Variants in MOCS1 observed in about 807,000 individuals in gnomAD.
The protein encoded by MOCS1 is molybdenum cofactor synthesis 1, also known as molybdenum cofactor biosynthesis protein 1.
A neutral mutation model predicts 57.6 loss-of-function variants in MOCS1; 39 were observed. The ratio of observed to expected loss-of-function variants is 0.68; its 90% CI spans 0.52 to 0.88. MOCS1 has a LOEUF of 0.88. Ranked by LOEUF, MOCS1 falls within the 40% of genes least tolerant of loss-of-function variation. MOCS1 has a pLI of 0.00. For synonymous variants in MOCS1, 334 were observed against 335.7 expected, an observed-to-expected ratio of 1.00 and a Z score of 0.05; for missense variants, 795 against 831.1, an observed-to-expected ratio of 0.96 and a Z score of 0.53.
At position 39,916,252 on chromosome 6, in the gene MOCS1, G is replaced by T; in HGVS notation, c.419-20C>A. On this transcript the variant is annotated intron_variant, in intron 3 of 10. Transcript: ENST00000340692. ...GCTGGGCTGTAAGGACAACAGAAAG[G>T]GGGTCAGACTGCTTGCTTGTTCTTG... 1 of 1,612,816 alleles carries T rather than the reference G, an allele frequency of 6.2e-7. No homozygotes were observed. Among genetic ancestry groups the T allele is most frequent in the Non-Finnish European group, 8.5e-7 (1 of 1,180,006 alleles).
intron 1 of MOCS1, among the ~76,000 whole-genome samples, chr6:39,928,170 T>A (rs1386224403): frequency 6.6e-6 from 1 of 150,690 alleles, no homozygotes; most frequent in Non-Finnish European, 1.5e-5. Context: ...CCAGGTTCTT[T>A]TTTTTTTTTT....
intron 2 of MOCS1, among the ~76,000 whole-genome samples, chr6:39,926,871 C>T (rs1168354332): frequency 6.7e-6 from 1 of 149,610 alleles, no homozygotes; most frequent in Non-Finnish European, 1.5e-5. Context: ...TGAAATGAGG[C>T]CTCTTTGTTA....
intron 8 of MOCS1, among the ~76,000 whole-genome samples, chr6:39,910,868 A>G (rs1767284897): frequency 6.6e-6 from 1 of 150,568 alleles, no homozygotes; most frequent in Non-Finnish European, 1.5e-5. Context: ...ATCAATGGGT[A>G]AAGGGAAAGA....
intron 9 of MOCS1, 67 bp downstream of exon 9, chr6:39,909,768 C>A: frequency 6.2e-7 from 1 of 1,602,210 alleles, no homozygotes; most frequent in Non-Finnish European, 8.5e-7. Flanking sequence ...CCCCACAACT[C>A]CACACCTCCC....
At chr6:39,922,338 G>A (rs1391219899) in intron 3 of MOCS1, among the ~76,000 whole-genome samples, 1 of 152,196 alleles carries the variant, frequency 6.6e-6, no homozygotes, top group African/African-American at 2.4e-5. Context: ...CCTAGGGGCT[G>A]CACATGGCCT....
chr6:39,927,621 C>A (rs779962248), intron 1 of MOCS1, 166 bp from the exon 2 acceptor site: 10 of 1,598,396 alleles, frequency 6.3e-6, no homozygotes, highest in South Asian at 2.2e-5. Flanking sequence ...TTGTCCCTCT[C>A]GTTGAGAAAT....
rs1582817556 is a variant in MOCS1 at position 39,916,212 on chromosome 6, C to T, written c.439G>A (p.Gly147Arg). Residue 147 changes from glycine (G) to arginine (R), a missense_variant, in exon 4 of 11, where the codon GGG (glycine) becomes AGG (arginine). By Grantham distance (125) the Gly-to-Arg change is moderately radical. Around this residue, in one of 3 missense-constraint regions of MOCS1, gnomAD observed 416 missense variants for 392.4 expected, o/e 1.06. Coordinates refer to ENST00000340692, the MANE Select transcript of MOCS1 (RefSeq NM_001358530.2). Reference protein sequence around the residue: ...DIVAQLQRLEGLRTIGVTTNG... With the variant: ...DIVAQLQRLERLRTIGVTTNG... The stretch of plus-strand genomic sequence containing the variant: ...GTGGTAACACCTATGGTTCTCAGCC[C>T]TTCCAGCCGCTGGAGCTGGGCTGTA... 2.5e-6 allele frequency: 4 copies of T among 1,613,778 alleles called. No individual in the cohort carries two copies. Among genetic ancestry groups the T allele is most frequent in the South Asian group, 1.1e-5 (1 of 91,048 alleles).
chr6:39,927,090 C>G, intron 2 of MOCS1: 2 of 520,248 alleles, frequency 3.8e-6, no homozygotes, highest in Non-Finnish European at 6.9e-6. Context: ...CTAAATCCAA[C>G]TGCATTTATG....
In MOCS1 at chr6:39,909,914, G is replaced by A. The variant is rs372034477; in HGVS notation, c.1023C>T (p.His341=). ...FGNSEVSLRD[H]LRAGASEQEL... is the part of the protein sequence containing the mutation. ...CCTGCTCAGAGGCCCCAGCTCGCAG[G>A]TGATCCCGCAGGGATACCTCAGAGT... The change falls in exon 9 of 11, where the codon CAC becomes CAT. Residue 341 remains histidine, a synonymous_variant. Transcript: ENST00000340692. The A allele has an allele frequency of 6.3e-5, 101 of 1,613,728 alleles. No homozygotes were observed. Among genetic ancestry groups the A allele is most frequent in the Non-Finnish European group, 7.7e-5 (91 of 1,180,026 alleles).
Position 39,923,011 on chromosome 6 carries a change from T to C in MOCS1, c.418+2667A>G, listed in dbSNP as rs117617016. ...CTGGGGAAGATCAGAGGCTAGCCCC[T>C]GAGGGATGTCAGAGTGCTCACAGGC... On this transcript the variant is annotated intron_variant, in intron 3 of 10. Transcript: ENST00000340692. 0.012 allele frequency among the ~76,000 whole-genome samples: 1,767 copies of C among 152,270 alleles called. 212 individuals are homozygous for C. The East Asian group carries it at 0.27, about 23-fold the overall frequency.
chr6:39,925,738 C>G lies in MOCS1; in HGVS notation c.358G>C (p.Asp120His), dbSNP rs368420298. The G allele has an allele frequency of 4.3e-5, 69 of 1,612,706 alleles. No homozygotes were observed. Among genetic ancestry groups the G allele is most frequent in the Non-Finnish European group, 5.8e-5 (69 of 1,180,008 alleles). Reference protein sequence around the residue: ...LARLFVKEGIDKIRLTGGEPL... With the variant: ...LARLFVKEGIHKIRLTGGEPL... The stretch of plus-strand genomic sequence containing the variant: ...TCTCCACCTGTGAGCCGGATCTTGT[C>G]GATGCCTTCCTTCACAAAGAGCCGG... Residue 120 changes from aspartate to histidine, a missense_variant, in exon 3 of 11, where the codon GAC becomes CAC. Physicochemically the swap from Asp to His is moderately conservative, Grantham distance 81. Transcript: ENST00000340692.
At chr6:39,919,603 A>T (rs1455921515) in intron 3 of MOCS1, among the ~76,000 whole-genome samples, 1 of 152,214 alleles carries the variant, frequency 6.6e-6, no homozygotes, top group African/African-American at 2.4e-5. Context: ...AAAAGAATAA[A>T]AAGAACTTGC....
At chr6:39,926,671 C>A (rs1267181795) in intron 2 of MOCS1, among the ~76,000 whole-genome samples, 1 of 47,372 alleles carries the variant, frequency 2.1e-5, no homozygotes, top group Non-Finnish European at 4.3e-5. Flanking sequence ...ATTTATTGGG[C>A]CATGAAGTAA....
chr6:39,934,377 A>G lies in MOCS1; in HGVS notation c.41T>C (p.Leu14Pro). The G allele has an allele frequency of 6.4e-7, 1 of 1,560,136 alleles. No homozygotes were observed. Among genetic ancestry groups the G allele is most frequent in the Non-Finnish European group, 8.6e-7 (1 of 1,157,582 alleles). ...GCTGCAGCTCCGGGCGCTGGACCTC[A>G]GAAGCCGCCGCAGCATCCGGGACAG... ...RPLSRMLRRL[L>P]RSSARSCSSG... Residue 14 changes from leucine to proline, a missense_variant, in exon 1 of 11, where the codon CTG becomes CCG. This residue lies in a region of MOCS1 where 416 missense variants were observed against 392.4 expected (regional missense o/e 1.06). Transcript: ENST00000340692.
chr6:39,914,059 T>C (rs186522991), intron 4 of MOCS1, among the ~76,000 whole-genome samples: 2 of 152,386 alleles, frequency 1.3e-5, no homozygotes, highest in East Asian at 3.9e-4. Context: ...TAGTAATAAC[T>C]GACTACAGTG....
rs752653792 is a variant in MOCS1 at position 39,909,035 on chromosome 6, C to T, written c.1150+20G>A. The T allele has an allele frequency of 9.3e-6, 15 of 1,609,450 alleles. No individual in the cohort carries two copies. The Admixed American group carries it at 1.3e-4, about 14-fold the overall frequency. ...CCCAAATGACAAGGGTGAGTGGTTA[C>T]GTACTGATGGGTCACCCACCGATGA... On this transcript the variant is annotated intron_variant, in intron 10 of 10. Coordinates refer to ENST00000340692, the MANE Select transcript of MOCS1 (RefSeq NM_001358530.2).
rs776585155 is a variant in MOCS1 at position 39,927,335 on chromosome 6, G to A, written c.244C>T (p.Leu82Phe). 1 of 1,611,136 alleles carries A rather than the reference G, an allele frequency of 6.2e-7. No individual in the cohort carries two copies. Among genetic ancestry groups the A allele is most frequent in the Non-Finnish European group, 8.5e-7 (1 of 1,178,898 alleles). ...LRISLTEKCN[L>F]RCQYCMPEEG... The stretch of plus-strand genomic sequence containing the variant: ...GCCCAGGAAGGTGACTCACATCTGA[G>A]GTTGCACTTCTCTGTGAGGGAGATC... The change falls in exon 2 of 11, where the codon CTC becomes TTC. Residue 82 changes from leucine to phenylalanine, a missense_variant. Coordinates refer to ENST00000340692, the MANE Select transcript of MOCS1 (RefSeq NM_001358530.2).
At chr6:39,907,570 TTA>T (rs961025856) in intron 10 of MOCS1, among the ~76,000 whole-genome samples, 1 of 152,156 alleles carries the variant, frequency 6.6e-6, no homozygotes, top group Non-Finnish European at 1.5e-5. Context: ...ATATAACCAC[TTA>T]GTTTACAGAC....
intron 1 of MOCS1, among the ~76,000 whole-genome samples, chr6:39,933,736 C>T (rs141951058): frequency 6.6e-6 from 1 of 152,170 alleles, no homozygotes; most frequent in African/African-American, 2.4e-5. Flanking sequence ...ACGTCCTGCC[C>T]TGTTCTGCTC....
Sources: gnomAD v4.1 joint callset for allele counts (sites outside exome capture counted in the v4.1 genomes callset) on GRCh38, gnomAD v4.1.1 for gene constraint, gnomAD v4.1.1 regional missense constraint, MANE v1.5 for transcripts, NCBI Gene and HGNC (gene_info 2026-07-23, HGNC 2026-07-21) for gene names.